The following STOX2 variants were observed in gnomAD, a reference collection of about 807,000 sequenced individuals.
The protein encoded by STOX2 is storkhead-box protein 2.
Under a neutral mutation model 60.9 loss-of-function variants are expected in STOX2, and 28 were observed. The ratio of observed to expected loss-of-function variants is 0.46; its 90% confidence interval spans 0.34 to 0.63. STOX2 has a LOEUF of 0.63. Among genes scored for constraint, STOX2 ranks in the 30% least tolerant of loss-of-function variants. The pLI, the probability that STOX2 is intolerant of heterozygous loss-of-function variation, is 0.01. For synonymous variants in STOX2, 472 were observed against 463.9 expected (o/e 1.02, Z -0.22); for missense variants, 1,024 against 1,187.7 (o/e 0.86, Z 2.03).
intron 1 of STOX2, among the ~76,000 whole-genome samples, chr4:183,998,336 C>G (rs1459185111): frequency 6.6e-6 from 1 of 152,140 alleles, no homozygotes; most frequent in African/African-American, 2.4e-5. Context: ...TAACTTAGCA[C>G]CTCTGTAAGA....
intron 1 of STOX2, among the ~76,000 whole-genome samples, chr4:183,812,478 A>T (rs1278844569): frequency 2.6e-5 from 4 of 152,222 alleles, no homozygotes; most frequent in African/African-American, 9.6e-5. Flanking sequence ...AAATTTTTAA[A>T]TGATTTTTTC....
Position 184,009,135 on chromosome 4 carries a change from GGTT to G in STOX2, c.320-22_320-20del. On this transcript the variant is annotated intron_variant, in intron 2 of 3. Transcript: ENST00000308497. This position sits in a 1 kb window ranked among gnomAD's most constrained non-coding sequence, Gnocchi z 4.0. ...ATGTTCTGTCTTCATTCTCACAAGT[GGTT>G]TTTTTTTTTTTTTTTTCAGGTGTTC... The G allele has an allele frequency of 1.0e-6, 1 of 1,001,194 alleles. No individual in the cohort carries two copies. The highest frequency in any genetic ancestry group is 2.6e-5 in the East Asian group (1 of 38,860). The allele number at this position is 1,001,194 out of a possible 1,614,324, so 62.0% of individuals were successfully genotyped here.
chr4:183,844,634 G>T, intron 1 of STOX2, among the ~76,000 whole-genome samples: 1 of 152,056 alleles, frequency 6.6e-6, no homozygotes, highest in South Asian at 2.1e-4. Context: ...ACTCAAGGTG[G>T]GTCATTTAAT....
chr4:183,873,446 C>CAAAAA (rs11453864), intron 1 of STOX2, among the ~76,000 whole-genome samples: 75 of 112,214 alleles, frequency 6.7e-4, no homozygotes, highest in African/African-American at 1.9e-3. Flanking sequence ...AACTCTGTCT[C>CAAAAA]AAAAAAAAAA....
chr4:184,010,212 T>A lies in STOX2; in HGVS notation c.1374T>A (p.Pro458=). The A allele has an allele frequency of 1.9e-6, 3 of 1,554,842 alleles. No homozygotes were observed. The highest frequency in any genetic ancestry group is 2.6e-6 in the Non-Finnish European group (3 of 1,148,900). ...KRRTEMPFPE[P]SRGSSHSKVH... is the part of the protein sequence containing the mutation. ...GAACTGAGATGCCTTTTCCTGAACC[T>A]TCTAGGGGAAGCTCCCACTCAAAAG... is the stretch of plus-strand genomic sequence containing the variant. Residue 458 remains proline, a synonymous_variant, in exon 3 of 4, where the codon CCT becomes CCA. Transcript: ENST00000308497. The surrounding 1 kb of genome is among the most constrained non-coding windows in gnomAD (Gnocchi z 4.5).
rs186938649 is a variant in STOX2 at position 183,835,393 on chromosome 4, T to G, written c.364+37338T>G. Among the ~76,000 whole-genome samples the G allele has an allele frequency of 3.3e-5, 5 of 151,936 alleles. No individual in the cohort carries two copies. In the East Asian group the frequency reaches 9.7e-4, roughly 29 times the overall value. On this transcript the variant is annotated intron_variant, in intron 1 of 2. Coordinates refer to the STOX2 transcript ENST00000513034. ...CGCCCACCACCACACCCGGCTAATT[T>G]TTTTGTATTTTTAGTAGAGACGGGG...
chr4:183,933,590 T>C (rs1318401408), intron 1 of STOX2, among the ~76,000 whole-genome samples: 1 of 152,160 alleles, frequency 6.6e-6, no homozygotes, highest in African/African-American at 2.4e-5. Context: ...GGTTTCGCCA[T>C]GTTGGCCGGG....
intron 1 of STOX2, among the ~76,000 whole-genome samples, chr4:183,823,594 G>C (rs149528080): frequency 2.0e-5 from 3 of 152,156 alleles, no homozygotes; most frequent in Non-Finnish European, 4.4e-5. Flanking sequence ...TGCCCTAATC[G>C]TAGTAGCTCT....
chr4:183,842,621 T>G (rs73870918), intron 1 of STOX2, among the ~76,000 whole-genome samples: 1 of 152,304 alleles, frequency 6.6e-6, no homozygotes, highest in African/African-American at 2.4e-5. Flanking sequence ...AGGAAAGTGC[T>G]CTGTGAGAAA....
At chr4:183,951,714 C>A (rs910851779) in intron 1 of STOX2, among the ~76,000 whole-genome samples, 1 of 151,990 alleles carries the variant, frequency 6.6e-6, no homozygotes, top group African/African-American at 2.4e-5. Context: ...CCAAGGCAGG[C>A]AGATCACAAG....
intron 1 of STOX2, among the ~76,000 whole-genome samples, chr4:183,885,102 T>C (rs1011156559): frequency 2.6e-5 from 4 of 152,184 alleles, no homozygotes; most frequent in Non-Finnish European, 5.9e-5. Context: ...CTTCTGGTAA[T>C]TGGGGCCACA....
At chr4:183,807,649 G>C (rs1190418953) in intron 1 of STOX2, among the ~76,000 whole-genome samples, 2 of 152,184 alleles carry the variant, frequency 1.3e-5, no homozygotes, top group African/African-American at 4.8e-5. Flanking sequence ...TCTTAATCCT[G>C]CCTGCTTGTT....
chr4:183,878,009 A>G (rs560633508), intron 1 of STOX2, among the ~76,000 whole-genome samples: 2 of 152,284 alleles, frequency 1.3e-5, no homozygotes, highest in South Asian at 4.1e-4. Flanking sequence ...CTTTCACATA[A>G]TTTATCCTAT....
chr4:183,798,122 C>T (rs1224247587), intron 1 of STOX2: 2 of 1,210,524 alleles, frequency 1.7e-6, no homozygotes, highest in Non-Finnish European at 1.0e-6. Flanking sequence ...CGTGCGGTCG[C>T]GGGTGCCCCG....
intron 1 of STOX2, among the ~76,000 whole-genome samples, chr4:183,840,363 T>C (rs1739828174): frequency 1.3e-5 from 2 of 152,200 alleles, no homozygotes; most frequent in South Asian, 4.1e-4. Flanking sequence ...ATTCCTGTTC[T>C]CTGAAGGAGG....
chr4:183,982,729 A>G (rs1361210704), intron 1 of STOX2, among the ~76,000 whole-genome samples: 1 of 152,214 alleles, frequency 6.6e-6, no homozygotes. Context: ...ATAGCATTGC[A>G]GTATTTCATG....
At chr4:183,840,894 G>A (rs192338630) in intron 1 of STOX2, among the ~76,000 whole-genome samples, 60 of 152,282 alleles carry the variant, frequency 3.9e-4, no homozygotes, top group African/African-American at 1.4e-3. Flanking sequence ...TTGAGACAGG[G>A]TCTCACTCTG....
chr4:183,875,195 G>A (rs1431534183), intron 1 of STOX2, among the ~76,000 whole-genome samples: 1 of 151,538 alleles, frequency 6.6e-6, no homozygotes, highest in Non-Finnish European at 1.5e-5. Context: ...TTATTACAGG[G>A]TGATGGGGAC....
At chr4:183,830,444 C>T (rs937839414) in intron 1 of STOX2, among the ~76,000 whole-genome samples, 3 of 152,146 alleles carry the variant, frequency 2.0e-5, no homozygotes, top group African/African-American at 7.2e-5. Flanking sequence ...CTGTGTCCTT[C>T]TGTGGGAAGG....
Sources: allele counts gnomAD v4.1 joint callset (sites outside exome capture counted in the v4.1 genomes callset), GRCh38; gene constraint gnomAD v4.1.1; non-coding constraint Gnocchi (gnomAD v3.1); transcripts MANE v1.5; gene names NCBI Gene and HGNC (gene_info 2026-07-23, HGNC 2026-07-21).